MEX3D: variants seen among roughly 807,000 people sequenced by gnomAD.
MEX3D encodes mex-3 RNA binding family member D, also known as RNA-binding protein MEX3D.
A neutral mutation model predicts 6.3 loss-of-function variants in MEX3D; 4 were observed. The ratio of observed to expected loss-of-function variants is 0.64; its 90% CI spans 0.31 to 1.46. MEX3D has a LOEUF of 1.46. Among genes scored for constraint, MEX3D ranks in the 40% most tolerant of loss-of-function variants. The pLI, the probability that MEX3D is intolerant of heterozygous loss-of-function variation, is 0.07. For synonymous variants in MEX3D, 626 were observed against 494.1 expected (o/e 1.27, Z -3.54); for missense variants, 1,038 against 994.4 (o/e 1.04, Z -0.59).
chr19:1,555,821 G>C lies in MEX3D; in HGVS notation c.1698C>G (p.Ser566Arg), dbSNP rs375402502. ...AAFSTATSLPSSPAAAACAPL... is the reference protein window; with the variant it reads ...AAFSTATSLPRSPAAAACAPL... The stretch of plus-strand genomic sequence containing the variant: ...GGGCGCAGGCGGCGGCCGCGGGGCT[G>C]CTGGGCAGCGAGGTGGCCGTGGAGA... The change falls in exon 2 of 2, where the codon AGC (serine) becomes AGG (arginine). Residue 566 changes from serine to arginine, a missense_variant. Transcript: ENST00000402693. The C allele has an allele frequency of 7.3e-7, 1 of 1,365,050 alleles. No homozygotes were observed. Among genetic ancestry groups the C allele is most frequent in the African/African-American group, 1.6e-5 (1 of 64,496 alleles). The allele number at this position is 1,365,050 out of a possible 1,614,324, so 84.6% of individuals were successfully genotyped here. A position where few individuals can be genotyped will look rare whatever the true frequency, so the allele number is the denominator to read the frequency against.
chr19:1,556,007 GCGCCGGGCGC>G lies in MEX3D; in HGVS notation c.1502_1511del (p.Gly501AlafsTer105). The G allele has an allele frequency of 8.1e-7, 1 of 1,229,398 alleles. No individual in the cohort carries two copies. The highest frequency in any genetic ancestry group is 1.0e-6 in the Non-Finnish European group (1 of 981,312). 76.2% of individuals were successfully genotyped at this position (1,229,398 alleles called of 1,614,324 possible). A position where few individuals can be genotyped will look rare whatever the true frequency, so the allele number is the denominator to read the frequency against. The stretch of plus-strand genomic sequence containing the variant: ...GGCGGGGGGTCCCGGCCCCACTGCT[GCGCCGGGCGC>G]CGGCGGCGGGAGGTCCCGGGGCTCC... On this transcript the variant is annotated frameshift_variant, in exon 2 of 2. Transcript: ENST00000402693. LOFTEE classifies it low-confidence loss of function (END_TRUNC). The surrounding 1 kb of genome is among the most constrained non-coding windows in gnomAD (Gnocchi z 7.5).
rs1914476444 is a variant in MEX3D at position 1,555,100 on chromosome 19, A to G, written c.*463T>C. ...TGGTTAGCCCCAAAAAGGGAGTAAA[A>G]ATGTCACCCTCCTCCTCTGGAACGT... On this transcript the variant is annotated 3_prime_UTR_variant, in exon 2 of 2. Coordinates refer to ENST00000402693, the MANE Select transcript of MEX3D (RefSeq NM_203304.4). 1 of 254,950 alleles carries G rather than the reference A, an allele frequency of 3.9e-6. No homozygotes were observed. The highest frequency in any genetic ancestry group is 2.4e-5 in the African/African-American group (1 of 41,690). The allele number at this position is 254,950 out of a possible 1,614,324, so 15.8% of individuals were successfully genotyped here. A position where few individuals can be genotyped will look rare whatever the true frequency, so the allele number is the denominator to read the frequency against.
intron 1 of MEX3D, among the ~76,000 whole-genome samples, chr19:1,564,704 C>G (rs889444174): frequency 6.6e-6 from 1 of 151,984 alleles, no homozygotes; most frequent in Non-Finnish European, 1.5e-5. Context: ...GGGGAGAGGG[C>G]TGGTGCCAGG....
At chr19:1,562,569 G>C (rs539602531) in intron 1 of MEX3D, among the ~76,000 whole-genome samples, 1 of 152,000 alleles carries the variant, frequency 6.6e-6, no homozygotes. Flanking sequence ...GTGTTGGTGC[G>C]CACCTGTGGT....
In MEX3D at chr19:1,555,726, C is replaced by T. The variant is rs373849275; in HGVS notation, c.1793G>A (p.Arg598Gln). The change falls in exon 2 of 2, where the codon CGA becomes CAA. Residue 598 changes from arginine to glutamine, a missense_variant. Transcript: ENST00000402693. ...PSASSAPALA[R>Q]ECVVCAEGEV... is the part of the protein sequence containing the mutation. The stretch of plus-strand genomic sequence containing the variant: ...GCCCTCGGCGCACACCACGCACTCT[C>T]GCGCCAGGGCCGGGGCCGAGGACGC... The T allele has an allele frequency of 6.5e-6, 10 of 1,530,242 alleles. No homozygotes were observed. Among genetic ancestry groups the T allele is most frequent in the Non-Finnish European group, 8.7e-6 (10 of 1,145,060 alleles). The allele number at this position is 1,530,242 out of a possible 1,614,324, so 94.8% of individuals were successfully genotyped here. A position where few individuals can be genotyped will look rare whatever the true frequency, so the allele number is the denominator to read the frequency against.
chr19:1,567,422 CG>C lies in MEX3D; in HGVS notation c.595+41del. On this transcript the variant is annotated intron_variant, in intron 1 of 1. Transcript: ENST00000402693. The surrounding 1 kb of genome is among the most constrained non-coding windows in gnomAD (Gnocchi z 6.5). Reference sequence around the variant, plus strand: ...ACCCCCTTCCCCGGGGCGGACGGTGCGGGGACCCCCAGGACAGCAACCCCCG... The same window carrying C: ...ACCCCCTTCCCCGGGGCGGACGGTGCGGGACCCCCAGGACAGCAACCCCCG... 1 of 1,529,394 alleles carries C rather than the reference CG, an allele frequency of 6.5e-7. No homozygotes were observed. 94.7% of individuals were successfully genotyped at this position (1,529,394 alleles called of 1,614,324 possible). A position where few individuals can be genotyped will look rare whatever the true frequency, so the allele number is the denominator to read the frequency against.
Position 1,556,895 on chromosome 19 carries a change from C to T in MEX3D, c.624G>A (p.Lys208=). Residue 208 remains lysine, a synonymous_variant, in exon 2 of 2, where the codon AAG becomes AAA. Transcript: ENST00000402693. This position sits in a 1 kb window ranked among gnomAD's most constrained non-coding sequence, Gnocchi z 7.5. ...QGCKIKALRA[K]TNTYIKTPVR... is the part of the protein sequence containing the mutation. ...CTGGGGTCTTGATGTAGGTGTTTGT[C>T]TTGGCCCGCAGGGCCTTGATCTTGC... 1 of 1,610,390 alleles carries T rather than the reference C, an allele frequency of 6.2e-7. No homozygotes were observed. Among genetic ancestry groups the T allele is most frequent in the Non-Finnish European group, 8.5e-7 (1 of 1,179,248 alleles).
chr19:1,556,204 G>A lies in MEX3D; in HGVS notation c.1315C>T (p.Pro439Ser), dbSNP rs757784757. ...GCGGCCGTCCCCACCGGGGCACCGG[G>A]ACCCTCCGCGCCGAAGGCGAAGCCC... Reference protein sequence around the residue: ...NGGFAFGAEGPGAPVGTAAPD... With the variant: ...NGGFAFGAEGSGAPVGTAAPD... The change falls in exon 2 of 2, where the codon CCC becomes TCC. Residue 439 changes from proline to serine, a missense_variant. By Grantham distance (74) the Pro-to-Ser change is moderately conservative. Around this residue, in one of 5 missense-constraint regions of MEX3D, gnomAD observed 581 missense variants for 516.2 expected, o/e 1.13. Transcript: ENST00000402693. The surrounding 1 kb of genome is among the most constrained non-coding windows in gnomAD (Gnocchi z 7.5). 7 of 1,442,042 alleles carry A rather than the reference G, an allele frequency of 4.9e-6. No individual in the cohort carries two copies. The East Asian group carries it at 2.0e-4, about 41-fold the overall frequency. 89.3% of individuals were successfully genotyped at this position (1,442,042 alleles called of 1,614,324 possible). A position where few individuals can be genotyped will look rare whatever the true frequency, so the allele number is the denominator to read the frequency against.
chr19:1,565,887 C>T (rs1238180854), intron 1 of MEX3D, among the ~76,000 whole-genome samples: 1 of 152,238 alleles, frequency 6.6e-6, no homozygotes, highest in African/African-American at 2.4e-5. Flanking sequence ...TTCCTGCCAG[C>T]TCCCCATGTG....
chr19:1,563,087 CAGTT>C (rs1914759349), intron 1 of MEX3D, among the ~76,000 whole-genome samples: 1 of 152,200 alleles, frequency 6.6e-6, no homozygotes, highest in Non-Finnish European at 1.5e-5. Context: ...CCAGAACTCT[CAGTT>C]GGGTCTGCAG....
intron 1 of MEX3D, among the ~76,000 whole-genome samples, chr19:1,558,387 A>C (rs1232416946): frequency 6.6e-6 from 1 of 151,894 alleles, no homozygotes; most frequent in African/African-American, 2.4e-5. Flanking sequence ...AAAAAAAAAA[A>C]AAAGACACAC....
At chr19:1,566,195 GAGAC>G (rs1914834832) in intron 1 of MEX3D, among the ~76,000 whole-genome samples, 1 of 152,210 alleles carries the variant, frequency 6.6e-6, no homozygotes. Context: ...CAGCAGGACT[GAGAC>G]AGAACCCAGT....
At position 1,554,810 on chromosome 19, in the gene MEX3D, CTTTA is replaced by C. The variant is rs941576907; in HGVS notation, c.*749_*752del. 2 of 151,674 alleles carry C rather than the reference CTTTA, an allele frequency of 1.3e-5. No homozygotes were observed. The highest frequency in any genetic ancestry group is 2.9e-5 in the Non-Finnish European group (2 of 67,988). The allele number at this position is 151,674 out of a possible 1,614,324, so 9.4% of individuals were successfully genotyped here. A position where few individuals can be genotyped will look rare whatever the true frequency, so the allele number is the denominator to read the frequency against. On this transcript the variant is annotated 3_prime_UTR_variant, in exon 2 of 2. Coordinates refer to ENST00000402693, the MANE Select transcript of MEX3D (RefSeq NM_203304.4). ...GCTGTGTAAGATTAAAGGTCCATTACTTTATTTAAAATAAAATATATTTTAGTTC... is the reference window on the plus strand; with the variant it reads ...GCTGTGTAAGATTAAAGGTCCATTACTTTAAAATAAAATATATTTTAGTTC...
intron 1 of MEX3D, among the ~76,000 whole-genome samples, chr19:1,557,512 G>A (rs1914604166): frequency 6.7e-6 from 1 of 148,796 alleles, no homozygotes; most frequent in African/African-American, 2.5e-5. Flanking sequence ...GTTGCAGTGA[G>A]CCAAGATTGC....
rs1339039659 is a variant in MEX3D at position 1,556,302 on chromosome 19, TAGA to T, written c.1214_1216del (p.Phe405del). Reference sequence around the variant, plus strand: ...GGAGGGGCCGCCGCGGCTGCCCGCGTAGAAGGCCTCGGGGGCGCTGGGGGCGCC... The same window carrying T: ...GGAGGGGCCGCCGCGGCTGCCCGCGTAGGCCTCGGGGGCGCTGGGGGCGCC... On this transcript the variant is annotated inframe_deletion, in exon 2 of 2. Coordinates refer to ENST00000402693, the MANE Select transcript of MEX3D (RefSeq NM_203304.4). The surrounding 1 kb of genome is among the most constrained non-coding windows in gnomAD (Gnocchi z 7.5). The T allele has an allele frequency of 2.3e-6, 3 of 1,298,880 alleles. No individual in the cohort carries two copies. The highest frequency in any genetic ancestry group is 8.7e-5 in the Admixed American group (2 of 22,958). 80.5% of individuals were successfully genotyped at this position (1,298,880 alleles called of 1,614,324 possible).
chr19:1,556,487 G>A lies in MEX3D; in HGVS notation c.1032C>T (p.Ala344=), dbSNP rs778615790. The change falls in exon 2 of 2, where the codon GCC becomes GCT. Residue 344 remains alanine, a synonymous_variant. Transcript: ENST00000402693. The surrounding 1 kb of genome is among the most constrained non-coding windows in gnomAD (Gnocchi z 7.5). ...IEAHITLRTG[A]FTDAGPDSDF... ...CGCTGTCGGGGCCCGCGTCGGTGAA[G>A]GCGCCAGTGCGCAGCGTGATGTGCG... The A allele has an allele frequency of 7.5e-6, 12 of 1,603,632 alleles. No homozygotes were observed. In the South Asian group the frequency reaches 1.2e-4, roughly 16 times the overall value.
At chr19:1,563,760 T>G (rs780157273) in intron 1 of MEX3D, among the ~76,000 whole-genome samples, 1 of 152,034 alleles carries the variant, frequency 6.6e-6, no homozygotes, top group Non-Finnish European at 1.5e-5. Context: ...GAATCTGAAA[T>G]TTTCTTTGCT....
chr19:1,561,943 G>A (rs149676380), intron 1 of MEX3D, among the ~76,000 whole-genome samples: 203 of 151,876 alleles, frequency 1.3e-3, no homozygotes, highest in Non-Finnish European at 2.3e-3. Context: ...CACCATATCC[G>A]GCCTCTACAA....
rs1168128137 is a variant in MEX3D, at chr19:1,555,757, G to A, written c.1762C>T (p.Pro588Ser). The A allele has an allele frequency of 2.7e-6, 4 of 1,500,800 alleles. No individual in the cohort carries two copies. The highest frequency in any genetic ancestry group is 2.1e-5 in the Admixed American group (1 of 46,874). The allele number at this position is 1,500,800 out of a possible 1,614,324, so 93.0% of individuals were successfully genotyped here. A position where few individuals can be genotyped will look rare whatever the true frequency, so the allele number is the denominator to read the frequency against. Reference protein sequence around the residue: ...SGASENSRKPPSASSAPALAR... With the variant: ...SGASENSRKPSSASSAPALAR... The stretch of plus-strand genomic sequence containing the variant: ...AGGGCCGGGGCCGAGGACGCCGAAG[G>A]GGGCTTGCGGCTGTTCTCGGAGGCG... Residue 588 changes from proline (P) to serine (S), a missense_variant, in exon 2 of 2, where the codon CCT (proline) becomes TCT (serine). Pro to Ser is a moderately conservative substitution (Grantham distance 74). Transcript: ENST00000402693.
Sources: allele counts gnomAD v4.1 joint callset (sites outside exome capture counted in the v4.1 genomes callset), GRCh38; gene constraint gnomAD v4.1.1; regional missense constraint gnomAD v4.1.1; non-coding constraint Gnocchi (gnomAD v3.1); transcripts MANE v1.5; gene names NCBI Gene and HGNC (gene_info 2026-07-23, HGNC 2026-07-21).